Variants in NVL observed in about 807,000 individuals in gnomAD.
NVL encodes the protein nuclear valosin-containing protein-like.
A neutral mutation model predicts 110.2 loss-of-function variants in NVL; 84 were observed. The ratio of observed to expected loss-of-function variants is 0.76; its 90% CI spans 0.64 to 0.91. The LOEUF is 0.91. Among genes scored for constraint, NVL ranks in the 40% least tolerant of loss-of-function variants. NVL has a pLI of 0.00. For synonymous variants in NVL, 354 were observed against 361.1 expected, an observed-to-expected ratio of 0.98 and a Z score of 0.22; for missense variants, 882 against 1,035.9, an observed-to-expected ratio of 0.85 and a Z score of 2.04.
intron 18 of NVL, among the ~76,000 whole-genome samples, chr1:224,254,281 C>T (rs1033539509): frequency 1.5e-4 from 23 of 149,426 alleles, no homozygotes; most frequent in Admixed American, 7.3e-4. Context: ...TTAGTAGAGA[C>T]GGGGTTTCAC....
chr1:224,241,781 G>A (rs766610932), intron 19 of NVL, among the ~76,000 whole-genome samples: 4 of 151,646 alleles, frequency 2.6e-5, no homozygotes, highest in East Asian at 1.9e-4. Context: ...GCTTGAACCC[G>A]GGAAGAGGAG....
chr1:224,279,741 T>C (rs565644652), intron 16 of NVL, among the ~76,000 whole-genome samples: 1 of 152,352 alleles, frequency 6.6e-6, no homozygotes, highest in African/African-American at 2.4e-5. Context: ...CTCTAAAATA[T>C]GATTTTAAAA....
intron 2 of NVL, among the ~76,000 whole-genome samples, chr1:224,320,283 T>C (rs751884675): frequency 6.6e-6 from 1 of 152,198 alleles, no homozygotes; most frequent in Non-Finnish European, 1.5e-5. Context: ...ATAGATAGTA[T>C]GCATGGATAA....
At chr1:224,310,841 C>T (rs1669447644) in intron 5 of NVL, among the ~76,000 whole-genome samples, 1 of 152,114 alleles carries the variant, frequency 6.6e-6, no homozygotes, top group Non-Finnish European at 1.5e-5. Context: ...AGCGATCCTC[C>T]AGCCTCAGCC....
chr1:224,265,161 G>A (rs192341848), intron 18 of NVL, among the ~76,000 whole-genome samples: 13 of 152,094 alleles, frequency 8.5e-5, no homozygotes, highest in Admixed American at 1.3e-4. Flanking sequence ...ACAAAACACC[G>A]GTACCACATT....
chr1:224,260,699 CTTTTTTTT>C (rs940200696), intron 18 of NVL, among the ~76,000 whole-genome samples: 89 of 126,334 alleles, frequency 7.0e-4, no homozygotes, highest in African/African-American at 2.4e-3. Context: ...TCTTCTTTTC[CTTTTTTTT>C]TTTTTTTTTT....
chr1:224,310,834 G>C lies in NVL; in HGVS notation c.342+966C>G, dbSNP rs568097305. Among the ~76,000 whole-genome samples the C allele has an allele frequency of 2.0e-5, 3 of 152,082 alleles. No individual in the cohort carries two copies. The South Asian group carries it at 6.2e-4, about 32-fold the overall frequency. ...CAGCCTCAAACTCCTGGGCTCAAGC[G>C]ATCCTCCAGCCTCAGCCTCCTGAGT... On this transcript the variant is annotated intron_variant, in intron 5 of 22. Transcript: ENST00000281701.
intron 18 of NVL, among the ~76,000 whole-genome samples, chr1:224,258,019 A>G (rs1663489598): frequency 6.6e-6 from 1 of 152,210 alleles, no homozygotes; most frequent in Non-Finnish European, 1.5e-5. Context: ...CATTGATAAC[A>G]CCATCAAAAT....
At chr1:224,288,873 T>G (rs1015051738) in intron 13 of NVL, among the ~76,000 whole-genome samples, 2 of 152,176 alleles carry the variant, frequency 1.3e-5, no homozygotes, top group African/African-American at 4.8e-5. Context: ...AACTAAAAAA[T>G]TTAATACCGA....
chr1:224,300,537 T>C (rs1256834528), intron 10 of NVL, 25 bp downstream of exon 10: 2 of 1,558,114 alleles, frequency 1.3e-6, no homozygotes, highest in East Asian at 4.5e-5. Flanking sequence ...TCTGACCACC[T>C]GGCATTAGTC....
At chr1:224,311,382 A>G (rs1669506804) in intron 5 of NVL, among the ~76,000 whole-genome samples, 1 of 150,460 alleles carries the variant, frequency 6.6e-6, no homozygotes, top group African/African-American at 2.4e-5. Context: ...TTTAAAAGGT[A>G]GGGTCTCACT....
rs114231753 is a variant in NVL at position 224,295,902 on chromosome 1, T to C, written c.1180+599A>G. 2.5e-3 allele frequency among the ~76,000 whole-genome samples: 363 copies of C among 144,522 alleles called. 2 individuals are homozygous for C. Among genetic ancestry groups the C allele is most frequent in the African/African-American group, 9.1e-3 (351 of 38,750 alleles). 94.8% of individuals were successfully genotyped at this position (144,522 alleles called of 152,430 possible). On this transcript the variant is annotated intron_variant, in intron 11 of 22. Coordinates refer to ENST00000281701, the MANE Select transcript of NVL (RefSeq NM_002533.4). ...ATAGGTTGAACGCAGGAGGCAGAGG[T>C]TGCAGCGAGTTGAGATCATGCCAGT...
At chr1:224,300,881 G>A (rs1032592959) in intron 9 of NVL, among the ~76,000 whole-genome samples, 3 of 152,026 alleles carry the variant, frequency 2.0e-5, no homozygotes, top group African/African-American at 7.2e-5. Context: ...GAGGTGGGCG[G>A]ATCACCTGAG....
chr1:224,324,877 T>C (rs1053020170), intron 2 of NVL, among the ~76,000 whole-genome samples: 7 of 152,220 alleles, frequency 4.6e-5, no homozygotes, highest in East Asian at 1.9e-4. Context: ...ATAAGCTGAA[T>C]TGTGTTTCCC....
At chr1:224,235,782 A>C (rs1660397237) in intron 20 of NVL, among the ~76,000 whole-genome samples, 1 of 152,044 alleles carries the variant, frequency 6.6e-6, no homozygotes. Flanking sequence ...TTTTTAAAAA[A>C]ATTAGCTGGG....
chr1:224,229,607 G>A (rs1167380814), intron 22 of NVL, among the ~76,000 whole-genome samples: 1 of 151,408 alleles, frequency 6.6e-6, no homozygotes, highest in African/African-American at 2.4e-5. Flanking sequence ...ACAGGTGCGC[G>A]CCCAGCTAAT....
intron 10 of NVL, among the ~76,000 whole-genome samples, chr1:224,297,440 A>G (rs1448747114): frequency 6.6e-6 from 1 of 152,214 alleles, no homozygotes; most frequent in Non-Finnish European, 1.5e-5. Context: ...CATTAAGACA[A>G]AAAGTAGAAT....
chr1:224,231,333 T>TATA (rs1659857047), intron 21 of NVL, 37 bp from the exon 22 acceptor site: 3 of 1,521,072 alleles, frequency 2.0e-6, no homozygotes, highest in Non-Finnish European at 2.7e-6. Context: ...CATCTCAGTA[T>TATA]CGTATGGTAA....
intron 22 of NVL, among the ~76,000 whole-genome samples, chr1:224,228,924 C>CAAAAAAA: frequency 6.1e-5 from 5 of 81,680 alleles, no homozygotes; most frequent in Non-Finnish European, 1.1e-4. Context: ...GACTCCGTCT[C>CAAAAAAA]AAAAAAAAAA....
Sources: allele counts gnomAD v4.1 joint callset (sites outside exome capture counted in the v4.1 genomes callset), GRCh38; gene constraint gnomAD v4.1.1; transcripts MANE v1.5; gene names NCBI Gene and HGNC (gene_info 2026-07-23, HGNC 2026-07-21).